AFG2B: variants seen among roughly 807,000 people sequenced by gnomAD.
AFG2B encodes ATPase family gene 2 protein homolog B.
chr15:45,417,110 C>G, the AFG2B span: 1 of 763,020 alleles, frequency 1.3e-6, no homozygotes. Context: ...TCTGGGATAT[C>G]TTGATATCAA....
chr15:45,403,484 C>T, the AFG2B span: 3 of 1,606,968 alleles, frequency 1.9e-6, no homozygotes, highest in Non-Finnish European at 2.5e-6. Flanking sequence ...GCTCTAGACC[C>T]AGCGCTGCGT....
the AFG2B span, chr15:45,403,478 T>C: frequency 4.4e-6 from 7 of 1,607,580 alleles, no homozygotes; most frequent in South Asian, 6.7e-5. Context: ...CCGGACGCTC[T>C]AGACCCAGCG....
the AFG2B span, among the ~76,000 whole-genome samples, chr15:45,409,713 A>T: frequency 0.07 from 10,598 of 151,650 alleles, 568 homozygotes; most frequent in East Asian, 0.19. Flanking sequence ...AAAAATATAT[A>T]TATTTTTTTA....
chr15:45,415,747 T>C, the AFG2B span: 1 of 1,613,762 alleles, frequency 6.2e-7, no homozygotes. Flanking sequence ...CTTAAGACAA[T>C]AGAGAGAAGA....
At chr15:45,405,549 G>A in the AFG2B span, 51 of 1,557,782 alleles carry the variant, frequency 3.3e-5, no homozygotes, top group Non-Finnish European at 4.5e-5. Flanking sequence ...ATCTATTATT[G>A]TAACAGATTA....
the AFG2B span, among the ~76,000 whole-genome samples, chr15:45,413,938 T>C: frequency 2.6e-5 from 4 of 152,224 alleles, no homozygotes; most frequent in African/African-American, 9.6e-5. Flanking sequence ...TGAGGACTCA[T>C]TCATTATTCG....
the AFG2B span, chr15:45,402,748 C>A: frequency 6.4e-7 from 1 of 1,572,322 alleles, no homozygotes; most frequent in East Asian, 2.3e-5. Context: ...CTGTCCGCCC[C>A]TGCGGCGCGT....
the AFG2B span, chr15:45,402,445 G>C: frequency 3.7e-6 from 6 of 1,604,148 alleles, no homozygotes; most frequent in East Asian, 1.4e-4. Context: ...TCCGGACTCG[G>C]ATCCCTTCCC....
chr15:45,410,274 T>C, the AFG2B span: 3 of 1,363,870 alleles, frequency 2.2e-6, no homozygotes, highest in African/African-American at 2.9e-5. Context: ...AAAATAACTT[T>C]ACAAATCCAA....
chr15:45,405,232 C>A, the AFG2B span: 1 of 1,303,016 alleles, frequency 7.7e-7, no homozygotes, highest in African/African-American at 1.5e-5. Context: ...ATTCTGCTGT[C>A]TACCTCCATC....
the AFG2B span, among the ~76,000 whole-genome samples, chr15:45,413,901 G>A: frequency 1.3e-5 from 2 of 152,076 alleles, no homozygotes; most frequent in Non-Finnish European, 2.9e-5. Flanking sequence ...GATTAAAGTG[G>A]TTAAAAACCA....
At chr15:45,418,429 C>T in the AFG2B span, 4 of 747,926 alleles carry the variant, frequency 5.3e-6, no homozygotes, top group South Asian at 3.5e-5. Flanking sequence ...ATGACTTAGT[C>T]TTTCTAACCC....
chr15:45,411,180 C>T, the AFG2B span, among the ~76,000 whole-genome samples: 2 of 152,096 alleles, frequency 1.3e-5, no homozygotes, highest in Non-Finnish European at 2.9e-5. Flanking sequence ...ACAGCCTGGG[C>T]AACAGAGAAA....
chr15:45,409,779 G>A, the AFG2B span, among the ~76,000 whole-genome samples: 2 of 152,020 alleles, frequency 1.3e-5, no homozygotes, highest in African/African-American at 4.8e-5. Context: ...AGGGTGAGGT[G>A]CAAGGATTAC....
chr15:45,416,824 AAAAAT>A, the AFG2B span: 1 of 153,062 alleles, frequency 6.5e-6, no homozygotes, highest in Non-Finnish European at 1.5e-5. Flanking sequence ...CATTTCAAAG[AAAAAT>A]AAAAGGTCGA....
the AFG2B span, chr15:45,407,080 G>C: frequency 7.8e-7 from 1 of 1,289,200 alleles, no homozygotes; most frequent in South Asian, 1.2e-5. Flanking sequence ...GTCAGCTGCT[G>C]TCGTCCCAGG....
chr15:45,402,645 G>T, the AFG2B span: 1 of 1,579,500 alleles, frequency 6.3e-7, no homozygotes, highest in Middle Eastern at 1.7e-4. Flanking sequence ...ACGGCTTTGT[G>T]CAGCTGGACC....
chr15:45,418,421 G>A, the AFG2B span: 1 of 611,480 alleles, frequency 1.6e-6, no homozygotes, highest in Non-Finnish European at 2.5e-6. Context: ...AGCCATTGAT[G>A]ACTTAGTCTT....
At chr15:45,405,487 C>T in the AFG2B span, 1 of 1,612,990 alleles carries the variant, frequency 6.2e-7, no homozygotes, top group Non-Finnish European at 8.5e-7. Context: ...CCATGCATGC[C>T]CTCCTTCATA....
Sources: allele counts gnomAD v4.1 joint callset (sites outside exome capture counted in the v4.1 genomes callset), GRCh38; gene constraint gnomAD v4.1.1; transcripts MANE v1.5; gene names NCBI Gene and HGNC (gene_info 2026-07-23, HGNC 2026-07-21).